The following KIF26A variants were observed in gnomAD, a reference collection of about 807,000 sequenced individuals.
KIF26A encodes the protein kinesin-like protein KIF26A.
KIF26A carries 74 observed loss-of-function variants against 126.0 expected under a neutral mutation model. The ratio of observed to expected loss-of-function variants is 0.59; its 90% CI spans 0.49 to 0.71. The LOEUF (loss-of-function observed/expected upper bound fraction) is 0.71, where lower values mean the gene tolerates loss of function less well. Ranked by LOEUF, KIF26A falls within the 30% of genes least tolerant of loss-of-function variation. KIF26A has a pLI of 0.00. For synonymous variants in KIF26A, 1,445 were observed against 1,232.7 expected (o/e 1.17, Z -3.61); for missense variants, 2,984 against 2,763.3 (o/e 1.08, Z -1.79).
intron 5 of KIF26A, among the ~76,000 whole-genome samples, chr14:104,168,620 T>G (rs2037929137): frequency 6.6e-6 from 1 of 152,198 alleles, no homozygotes; most frequent in Non-Finnish European, 1.5e-5. Context: ...CCGATCTCCC[T>G]GACTCTGGGT....
intron 2 of KIF26A, among the ~76,000 whole-genome samples, chr14:104,140,739 C>T (rs905702139): frequency 2.6e-5 from 4 of 152,112 alleles, no homozygotes; most frequent in South Asian, 4.1e-4. Flanking sequence ...TTCAGGGGAG[C>T]CCCAGACCAC....
chr14:104,172,488 G>A, intron 6 of KIF26A, 87 bp from the exon 7 acceptor site: 1 of 897,442 alleles, frequency 1.1e-6, no homozygotes, highest in South Asian at 1.6e-5. Context: ...TCGACTGCCT[G>A]CATGTGCCAG....
At position 104,173,057 on chromosome 14, in the gene KIF26A, A is replaced by G. The variant is rs978146464; in HGVS notation, c.1501A>G (p.Arg501Gly). The change falls in exon 8 of 15, where the codon AGG becomes GGG. Residue 501 changes from arginine (R) to glycine (G), a missense_variant. Arg to Gly is a moderately radical substitution (Grantham distance 125). Coordinates refer to ENST00000423312, the MANE Select transcript of KIF26A (RefSeq NM_015656.2). Reference protein sequence around the residue: ...IVPCAISWLFRLIEERRERTG... With the variant: ...IVPCAISWLFGLIEERRERTG... ...GCCCTGCGCCATCTCCTGGCTCTTC[A>G]GGCTCATCGAGGAGCGCAGGGAGAG... 6.2e-7 allele frequency: 1 copy of G among 1,605,376 alleles called. No individual in the cohort carries two copies. Among genetic ancestry groups the G allele is most frequent in the Non-Finnish European group, 8.5e-7 (1 of 1,176,968 alleles).
chr14:104,178,838 G>A lies in KIF26A; in HGVS notation c.5316+83G>A, dbSNP rs559382249. 22 of 790,078 alleles carry A rather than the reference G, an allele frequency of 2.8e-5. No homozygotes were observed. In the East Asian group the frequency reaches 4.0e-4, roughly 14 times the overall value. 48.9% of individuals were successfully genotyped at this position (790,078 alleles called of 1,614,324 possible). ...GCAGAGTGAGCCATTTGATGGGCTC[G>A]CCAGGCCTCTGGGGGTGTGGCTGGG... On this transcript the variant is annotated intron_variant, in intron 13 of 14. Transcript: ENST00000423312.
At chr14:104,172,692 G>C in intron 7 of KIF26A, 24 bp downstream of exon 7, 1 of 1,559,974 alleles carries the variant, frequency 6.4e-7, no homozygotes, top group Non-Finnish European at 8.8e-7. Context: ...CCCCACCCTA[G>C]ATGGGTCCTG....
chr14:104,140,803 T>C (rs2037630481), intron 2 of KIF26A, among the ~76,000 whole-genome samples: 1 of 152,146 alleles, frequency 6.6e-6, no homozygotes, highest in African/African-American at 2.4e-5. Flanking sequence ...TCCTCTTGAG[T>C]GCCAGCTGGG....
At chr14:104,147,158 G>A (rs2037687810) in intron 2 of KIF26A, among the ~76,000 whole-genome samples, 1 of 152,152 alleles carries the variant, frequency 6.6e-6, no homozygotes, top group African/African-American at 2.4e-5. Flanking sequence ...TGAGCATTGG[G>A]GCTCCTGATG....
chr14:104,165,544 CGT>C (rs1003334672), intron 4 of KIF26A, among the ~76,000 whole-genome samples: 2,674 of 91,406 alleles, frequency 0.029, 39 homozygotes, highest in Middle Eastern at 0.11. Context: ...TGTGTCTATG[CGT>C]GTGTGTGTGT....
At chr14:104,168,743 C>G (rs2037930102) in intron 5 of KIF26A, among the ~76,000 whole-genome samples, 1 of 152,204 alleles carries the variant, frequency 6.6e-6, no homozygotes, top group Non-Finnish European at 1.5e-5. Flanking sequence ...GCATCTCTGT[C>G]CTCCGGAGGC....
At chr14:104,170,720 G>A (rs992889571) in intron 5 of KIF26A, among the ~76,000 whole-genome samples, 1 of 152,230 alleles carries the variant, frequency 6.6e-6, no homozygotes, top group African/African-American at 2.4e-5. Flanking sequence ...CCGCCTCCTG[G>A]CATCGACGCA....
intron 4 of KIF26A, among the ~76,000 whole-genome samples, chr14:104,158,453 G>A (rs753614781): frequency 5.9e-5 from 9 of 152,254 alleles, no homozygotes; most frequent in Non-Finnish European, 1.2e-4. Context: ...CCTTCAGGCA[G>A]CACAAGGGGA....
chr14:104,152,548 C>G lies in KIF26A; in HGVS notation c.735+87C>G. 7.6e-7 allele frequency: 1 copy of G among 1,314,920 alleles called. No homozygotes were observed. The highest frequency in any genetic ancestry group is 2.5e-5 in the East Asian group (1 of 39,516). 81.5% of individuals were successfully genotyped at this position (1,314,920 alleles called of 1,614,324 possible). On this transcript the variant is annotated intron_variant, in intron 3 of 14. Transcript: ENST00000423312. The surrounding 1 kb of genome is among the most constrained non-coding windows in gnomAD (Gnocchi z 5.9). Reference sequence around the variant, plus strand: ...GGGGGTCTCTGTCCACGTTGAGTGCCCTGCAGTAAGGCTTCCCTGAAGGGA... The same window carrying G: ...GGGGGTCTCTGTCCACGTTGAGTGCGCTGCAGTAAGGCTTCCCTGAAGGGA...
intron 2 of KIF26A, among the ~76,000 whole-genome samples, chr14:104,147,451 G>C (rs2037690235): frequency 6.6e-6 from 1 of 152,192 alleles, no homozygotes. Flanking sequence ...GAGGCCTTCA[G>C]AGCTGCAGAC....
chr14:104,175,898 TGGAGGA>T lies in KIF26A; in HGVS notation c.3112_3117del (p.Glu1038_Glu1039del). 1 of 1,543,064 alleles carries T rather than the reference TGGAGGA, an allele frequency of 6.5e-7. No individual in the cohort carries two copies. Among genetic ancestry groups the T allele is most frequent in the Non-Finnish European group, 8.7e-7 (1 of 1,149,378 alleles). On this transcript the variant is annotated inframe_deletion, in exon 12 of 15. Transcript: ENST00000423312. ...GAGGACGAGCTGGTGTTCACGGTGGTGGAGGAGCTGTCCCTGGGGGCGCTTGCCGGA... is the reference window on the plus strand; with the variant it reads ...GAGGACGAGCTGGTGTTCACGGTGGTGCTGTCCCTGGGGGCGCTTGCCGGA...
chr14:104,179,789 G>A lies in KIF26A; in HGVS notation c.5648G>A (p.Ter1883=). 6.5e-7 allele frequency: 1 copy of A among 1,528,000 alleles called. No individual in the cohort carries two copies. Among genetic ancestry groups the A allele is most frequent in the East Asian group, 2.4e-5 (1 of 41,370 alleles). 94.7% of individuals were successfully genotyped at this position (1,528,000 alleles called of 1,614,324 possible). ...AIPGPQEVDV[*] is the part of the protein sequence containing the mutation. ...CCGGGGCCGCAGGAGGTGGACGTCTGAGGCTGGGCGCCGGACAAGAGGAGG... is the reference window on the plus strand; with the variant it reads ...CCGGGGCCGCAGGAGGTGGACGTCTAAGGCTGGGCGCCGGACAAGAGGAGG... The change falls in exon 15 of 15, where the codon TGA becomes TAA. Residue 1883 remains the stop codon, a stop_retained_variant. Transcript: ENST00000423312.
intron 2 of KIF26A, among the ~76,000 whole-genome samples, chr14:104,150,788 G>T (rs959423996): frequency 3.3e-5 from 5 of 152,226 alleles, no homozygotes; most frequent in African/African-American, 1.2e-4. Context: ...GCCAGGTTTC[G>T]GGTGGTGGGA....
At position 104,173,085 on chromosome 14, in the gene KIF26A, C is replaced by T. The variant is rs199503701; in HGVS notation, c.1529C>T (p.Thr510Met). Reference protein sequence around the residue: ...FRLIEERRERTGTRFSVRVSA... With the variant: ...FRLIEERRERMGTRFSVRVSA... ...CTCATCGAGGAGCGCAGGGAGAGGA[C>T]GGGCACCCGCTTCTCCGTCCGGGTC... Residue 510 changes from threonine to methionine, a missense_variant, in exon 8 of 15, where the codon ACG (threonine) becomes ATG (methionine). By Grantham distance (81) the Thr-to-Met change is moderately conservative. Coordinates refer to ENST00000423312, the MANE Select transcript of KIF26A (RefSeq NM_015656.2). 7.5e-4 allele frequency: 1,203 copies of T among 1,604,094 alleles called. 3 individuals carry two copies. Among genetic ancestry groups the T allele is most frequent in the African/African-American group, 2.6e-3 (197 of 74,874 alleles).
At position 104,176,688 on chromosome 14, in the gene KIF26A, G is replaced by A; in HGVS notation, c.3900G>A (p.Val1300=). ...GGGCGGCCCGCAGGCCAGAGGCTGT[G>A]GCTCGGATCCCACCGCTGCGGAGGG... is the stretch of plus-strand genomic sequence containing the variant. The part of the protein sequence containing the change: ...AARAARRPEA[V]ARIPPLRRGA... Residue 1300 remains valine, a synonymous_variant, in exon 12 of 15, where the codon GTG becomes GTA. Transcript: ENST00000423312. The A allele has an allele frequency of 1.9e-6, 3 of 1,593,764 alleles. No homozygotes were observed. In the South Asian group the frequency reaches 3.4e-5, roughly 18 times the overall value.
At chr14:104,139,792 C>T (rs2037620369) in intron 2 of KIF26A, among the ~76,000 whole-genome samples, 1 of 152,202 alleles carries the variant, frequency 6.6e-6, no homozygotes, top group African/African-American at 2.4e-5. Flanking sequence ...CCTCTCCCAG[C>T]CTCAAGGATA....
Sources: gnomAD v4.1 joint callset for allele counts (sites outside exome capture counted in the v4.1 genomes callset) on GRCh38, gnomAD v4.1.1 for gene constraint, Gnocchi (gnomAD v3.1) non-coding constraint, MANE v1.5 for transcripts, NCBI Gene and HGNC (gene_info 2026-07-23, HGNC 2026-07-21) for gene names.